The following CLIC5 variants were observed in gnomAD, a reference collection of about 807,000 sequenced individuals.
CLIC5 encodes chloride intracellular channel protein 5.
CLIC5 carries 20 observed loss-of-function variants against 24.7 expected under a neutral mutation model. That is an observed-to-expected ratio of 0.81 (90% CI 0.57 to 1.18). CLIC5 has a LOEUF of 1.18. CLIC5 is among the 50% of genes most tolerant of loss of function. The pLI, the probability that CLIC5 is intolerant of heterozygous loss-of-function variation, is 0.00. For missense variants in CLIC5, 341 were observed against 326.1 expected, an observed-to-expected ratio of 1.05 and a Z score of -0.35; for synonymous variants, 159 against 135.6, an observed-to-expected ratio of 1.17 and a Z score of -1.20.
the CLIC5 span, among the ~76,000 whole-genome samples, chr6:46,125,342 C>T: frequency 6.6e-6 from 1 of 152,038 alleles, no homozygotes; most frequent in Non-Finnish European, 1.5e-5. Flanking sequence ...AACCAAACAC[C>T]GCATGTTCTC....
chr6:46,101,298 G>A, the CLIC5 span, among the ~76,000 whole-genome samples: 1 of 152,200 alleles, frequency 6.6e-6, no homozygotes, highest in Non-Finnish European at 1.5e-5. Flanking sequence ...CCTTGGGAAA[G>A]GAATGAGTGT....
Position 45,935,407 on chromosome 6 carries a change from C to G in CLIC5, c.406+6140G>C, listed in dbSNP as rs542708299. On this transcript the variant is annotated intron_variant, in intron 4 of 5. Coordinates refer to ENST00000339561, the MANE Select transcript of CLIC5 (RefSeq NM_016929.5). ...TGTGCCAGGCAGGCTGGGTAGAGAG[C>G]ATGATTAAGGGGGAGGACAGACCTA... Among the ~76,000 whole-genome samples, 6 of 152,268 alleles carry G rather than the reference C, an allele frequency of 3.9e-5. No homozygotes were observed. The South Asian group carries it at 1.2e-3, about 32-fold the overall frequency.
Position 45,946,873 on chromosome 6 carries a change from A to C in CLIC5, c.299+2383T>G, listed in dbSNP as rs74863127. 5.9e-3 allele frequency among the ~76,000 whole-genome samples: 899 copies of C among 152,302 alleles called. 6 individuals carry two copies. Among genetic ancestry groups the C allele is most frequent in the African/African-American group, 0.021 (856 of 41,576 alleles). The stretch of plus-strand genomic sequence containing the variant: ...CCCACCTTGGTAGGCTTCTGGAGAT[A>C]TGCATTTTAACAGCATCAAGCGTTC... On this transcript the variant is annotated intron_variant, in intron 3 of 5. Coordinates refer to ENST00000339561, the MANE Select transcript of CLIC5 (RefSeq NM_016929.5).
chr6:45,974,396 A>G (rs1765307944), intron 1 of CLIC5, among the ~76,000 whole-genome samples: 1 of 151,488 alleles, frequency 6.6e-6, no homozygotes, highest in Admixed American at 6.6e-5. Flanking sequence ...TATAACAATT[A>G]TATTTATATA....
chr6:46,109,670 T>C, the CLIC5 span, among the ~76,000 whole-genome samples: 11 of 152,148 alleles, frequency 7.2e-5, no homozygotes, highest in Non-Finnish European at 1.5e-4. Context: ...CTGATTCTTT[T>C]TATGTTTAGT....
intron 1 of CLIC5, among the ~76,000 whole-genome samples, chr6:45,985,708 T>A (rs1765711784): frequency 6.6e-6 from 1 of 152,154 alleles, no homozygotes; most frequent in Admixed American, 6.5e-5. Flanking sequence ...ACCAGGCCAC[T>A]CTGGGTTGGC....
chr6:45,982,696 C>T (rs1413474240), intron 1 of CLIC5, among the ~76,000 whole-genome samples: 1 of 152,078 alleles, frequency 6.6e-6, no homozygotes. Flanking sequence ...TTGGCTGAAA[C>T]GTTATTATGT....
the CLIC5 span, among the ~76,000 whole-genome samples, chr6:46,120,246 C>T: frequency 2.6e-5 from 4 of 152,168 alleles, no homozygotes; most frequent in Non-Finnish European, 4.4e-5. Context: ...GCCAGAGGAA[C>T]GATCAGACAG....
intron 1 of CLIC5, among the ~76,000 whole-genome samples, chr6:45,956,878 G>A (rs1391968095): frequency 6.6e-6 from 1 of 152,142 alleles, no homozygotes; most frequent in African/African-American, 2.4e-5. Context: ...CAGTGTGGGC[G>A]CTACACCTTC....
chr6:45,992,775 G>C (rs1483025752), intron 1 of CLIC5, among the ~76,000 whole-genome samples: 1 of 152,150 alleles, frequency 6.6e-6, no homozygotes, highest in East Asian at 1.9e-4. Flanking sequence ...CAGATACACT[G>C]TATATCTATT....
intron 1 of CLIC5, among the ~76,000 whole-genome samples, chr6:46,023,890 CA>C (rs577419053): frequency 0.16 from 22,013 of 141,290 alleles, 1,718 homozygotes; most frequent in African/African-American, 0.22. Flanking sequence ...TAACAAAATT[CA>C]AAAAAAAAAA....
At chr6:45,925,767 C>G (rs908227908) in intron 4 of CLIC5, among the ~76,000 whole-genome samples, 7 of 152,160 alleles carry the variant, frequency 4.6e-5, no homozygotes, top group African/African-American at 1.7e-4. Context: ...TAAGCTTTAA[C>G]TCTGTAGAGG....
chr6:46,127,285 A>G, the CLIC5 span, among the ~76,000 whole-genome samples: 1 of 152,140 alleles, frequency 6.6e-6, no homozygotes, highest in African/African-American at 2.4e-5. Context: ...ACATTTAACT[A>G]TAGTCACCCT....
At chr6:46,056,074 G>A (rs1179954151) in intron 1 of CLIC5, among the ~76,000 whole-genome samples, 1 of 152,138 alleles carries the variant, frequency 6.6e-6, no homozygotes, top group South Asian at 2.1e-4. Flanking sequence ...AAATGGTGCA[G>A]ATGTTAAATT....
chr6:46,095,680 C>T, the CLIC5 span, among the ~76,000 whole-genome samples: 1 of 152,348 alleles, frequency 6.6e-6, no homozygotes, highest in East Asian at 1.9e-4. Flanking sequence ...TTGTCCATAT[C>T]ACATATTACT....
At chr6:45,977,266 A>G (rs1765415580) in intron 1 of CLIC5, among the ~76,000 whole-genome samples, 1 of 152,068 alleles carries the variant, frequency 6.6e-6, no homozygotes, top group Admixed American at 6.6e-5. Flanking sequence ...TGAAACATAA[A>G]CCTCTTTTTA....
intron 1 of CLIC5, among the ~76,000 whole-genome samples, chr6:45,960,332 C>T (rs1313744136): frequency 6.6e-6 from 1 of 152,202 alleles, no homozygotes; most frequent in East Asian, 1.9e-4. Flanking sequence ...AGTCAGTTAT[C>T]AATTTATTGC....
At chr6:45,881,300 T>C in intron 6 of CLIC5, 1 of 395,942 alleles carries the variant, frequency 2.5e-6, no homozygotes, top group Middle Eastern at 6.4e-4. Context: ...GATTTCAAGT[T>C]ATGTATGTTA....
intron 1 of CLIC5, among the ~76,000 whole-genome samples, chr6:46,028,046 C>T (rs1767390045): frequency 6.6e-6 from 1 of 152,210 alleles, no homozygotes; most frequent in African/African-American, 2.4e-5. Context: ...CCCCCATTAA[C>T]ACAGCGCAAA....
Sources: allele counts gnomAD v4.1 joint callset (sites outside exome capture counted in the v4.1 genomes callset), GRCh38; gene constraint gnomAD v4.1.1; transcripts MANE v1.5; gene names NCBI Gene and HGNC (gene_info 2026-07-23, HGNC 2026-07-21).